TMC3: variants seen among roughly 807,000 people sequenced by gnomAD.
The protein encoded by TMC3 is transmembrane channel like 3.
Under a neutral mutation model 110.6 loss-of-function variants are expected in TMC3, and 98 were observed. The observed-to-expected ratio is 0.89, with a 90% CI of 0.75 to 1.05. The LOEUF (loss-of-function observed/expected upper bound fraction) is 1.05, where lower values mean the gene tolerates loss of function less well. Among genes scored for constraint, TMC3 ranks in the 50% least tolerant of loss-of-function variants. TMC3 has a pLI of 0.00. For synonymous variants in TMC3, 489 were observed against 513.1 expected, an observed-to-expected ratio of 0.95 and a Z score of 0.63; for missense variants, 1,319 against 1,373.2, an observed-to-expected ratio of 0.96 and a Z score of 0.62.
intron 20 of TMC3, chr15:81,336,046 C>A (rs1893586868): frequency 6.6e-6 from 1 of 152,242 alleles, no homozygotes; most frequent in Non-Finnish European, 1.5e-5. Flanking sequence ...TTCGATACTT[C>A]CTTCTGATTT....
At chr15:81,353,755 T>C (rs7359228) in intron 9 of TMC3, among the ~76,000 whole-genome samples, 23,819 of 152,222 alleles carry the variant, frequency 0.16, 3,561 homozygotes, top group African/African-American at 0.4. Flanking sequence ...TTTCTTGGAA[T>C]GTGATCCTGT....
intron 7 of TMC3, 34 bp from the exon 8 acceptor site, chr15:81,356,628 T>G: frequency 6.4e-7 from 1 of 1,565,986 alleles, no homozygotes; most frequent in East Asian, 2.4e-5. Flanking sequence ...GTCTTGGGAG[T>G]CTCAGGAATA....
In TMC3 at chr15:81,339,510, G is replaced by A. The variant is rs1308185772; in HGVS notation, c.1845-6C>T. ...CCAAGTAGAAGTTGTTGGATCTGCA[G>A]ATAAATCAGATGTCATGTGTTAAGT... On this transcript the variant is annotated splice_region_variant and splice_polypyrimidine_tract_variant and intron_variant, in intron 16 of 21. Transcript: ENST00000359440. The A allele has an allele frequency of 6.3e-7, 1 of 1,580,132 alleles. No homozygotes were observed. Among genetic ancestry groups the A allele is most frequent in the Non-Finnish European group, 8.6e-7 (1 of 1,160,902 alleles).
At chr15:81,341,155 T>A (rs1267260314) in intron 16 of TMC3, among the ~76,000 whole-genome samples, 1 of 152,244 alleles carries the variant, frequency 6.6e-6, no homozygotes, top group Non-Finnish European at 1.5e-5. Flanking sequence ...TAAAGGATTA[T>A]TAAACTTCGG....
At chr15:81,352,436 G>A (rs984204906) in intron 9 of TMC3, among the ~76,000 whole-genome samples, 1 of 152,204 alleles carries the variant, frequency 6.6e-6, no homozygotes, top group Non-Finnish European at 1.5e-5. Context: ...CACATTTGTG[G>A]TGATGCTGGT....
chr15:81,341,528 T>C lies in TMC3; in HGVS notation c.1716-10A>G, dbSNP rs769719412. On this transcript the variant is annotated splice_polypyrimidine_tract_variant and intron_variant, in intron 15 of 21. Transcript: ENST00000359440. ...GAAGAAGGCCCCCATCCTGGAACCA[T>C]GAGGAAGGTCAGTTTGCATCTGTTC... 7 of 1,607,410 alleles carry C rather than the reference T, an allele frequency of 4.4e-6. No individual in the cohort carries two copies. The East Asian group carries it at 6.7e-5, about 15-fold the overall frequency.
Position 81,332,950 on chromosome 15 carries a change from G to A in TMC3, c.2772C>T (p.Asn924=), listed in dbSNP as rs1282976917. The change falls in exon 22 of 22, where the codon AAC becomes AAT. Residue 924 remains asparagine, a synonymous_variant. Transcript: ENST00000359440. The part of the protein sequence containing the change: ...SGDIVELYPR[N]VRQYASRVPR... Reference sequence around the variant, plus strand: ...GGACCCGGGATGCATATTGTCGCACGTTCCTGGGGTACAGCTCCACAATGT... The same window carrying A: ...GGACCCGGGATGCATATTGTCGCACATTCCTGGGGTACAGCTCCACAATGT... 2.5e-6 allele frequency: 4 copies of A among 1,612,406 alleles called. No homozygotes were observed. The East Asian group carries it at 8.9e-5, about 36-fold the overall frequency.
chr15:81,358,015 C>G, intron 7 of TMC3, 134 bp downstream of exon 7: 2 of 1,139,038 alleles, frequency 1.8e-6, no homozygotes, highest in Non-Finnish European at 1.2e-6. Flanking sequence ...TTACACATAT[C>G]ATAACACTTG....
intron 4 of TMC3, among the ~76,000 whole-genome samples, chr15:81,360,351 C>G (rs1894158953): frequency 2.6e-5 from 4 of 152,134 alleles, no homozygotes; most frequent in African/African-American, 4.8e-5. Flanking sequence ...CAATATATTA[C>G]AAGCATTTTC....
rs1450008778 is a variant in TMC3, at chr15:81,372,618, G to T, written c.209C>A (p.Thr70Asn). The change falls in exon 2 of 22, where the codon ACT becomes AAT. Residue 70 changes from threonine (T) to asparagine (N), a missense_variant. Transcript: ENST00000359440. ...CAATGCCCTCAGCTTCTGTCCCATA[G>T]TCCAGGGTCTGCAGCGAATGTTTGC... ...LMANIRCRPW[T>N]MGQKLRALRQ... 18 of 1,613,576 alleles carry T rather than the reference G, an allele frequency of 1.1e-5. No individual in the cohort carries two copies. Among genetic ancestry groups the T allele is most frequent in the Non-Finnish European group, 1.4e-5 (17 of 1,179,892 alleles).
intron 15 of TMC3, 101 bp from the exon 16 acceptor site, chr15:81,341,619 A>T: frequency 1.5e-6 from 2 of 1,325,428 alleles, no homozygotes; most frequent in Non-Finnish European, 2.1e-6. Context: ...CACTTTGGGG[A>T]TTATACCCTA....
intron 20 of TMC3, 34 bp from the exon 21 acceptor site, chr15:81,335,009 G>A (rs774287693): frequency 4.2e-5 from 68 of 1,606,844 alleles, no homozygotes; most frequent in Admixed American, 2.5e-4. Flanking sequence ...GAGAAGACAG[G>A]TGTCACTGAG....
At chr15:81,336,556 A>G in intron 20 of TMC3, 53 bp downstream of exon 20, 1 of 1,573,834 alleles carries the variant, frequency 6.4e-7, no homozygotes, top group East Asian at 2.2e-5. Flanking sequence ...CGACAGAGCA[A>G]GACTCTGCCT....
chr15:81,367,059 C>G (rs1388398615), intron 3 of TMC3, among the ~76,000 whole-genome samples: 1 of 152,064 alleles, frequency 6.6e-6, no homozygotes, highest in African/African-American at 2.4e-5. Flanking sequence ...GGACCACAGT[C>G]TTTTCTATAG....
chr15:81,360,946 G>A (rs1201579129), intron 4 of TMC3, among the ~76,000 whole-genome samples: 1 of 148,200 alleles, frequency 6.7e-6, no homozygotes, highest in Admixed American at 6.7e-5. Context: ...CTACAGCCTT[G>A]TTTGTTTAGT....
intron 2 of TMC3, among the ~76,000 whole-genome samples, chr15:81,369,646 A>G (rs1253233900): frequency 2.0e-5 from 3 of 152,086 alleles, no homozygotes; most frequent in Non-Finnish European, 4.4e-5. Context: ...AGTTTCTGCC[A>G]GGTGGGGTGG....
intron 3 of TMC3, among the ~76,000 whole-genome samples, chr15:81,363,470 C>A (rs1894236579): frequency 6.6e-6 from 1 of 152,174 alleles, no homozygotes; most frequent in African/African-American, 2.4e-5. Flanking sequence ...TTATGACATT[C>A]TGAACTATAA....
intron 9 of TMC3, among the ~76,000 whole-genome samples, chr15:81,354,443 A>C (rs964225499): frequency 6.6e-6 from 1 of 152,192 alleles, no homozygotes; most frequent in African/African-American, 2.4e-5. Flanking sequence ...CATTTCTTCT[A>C]TTCCCAGCGG....
intron 11 of TMC3, among the ~76,000 whole-genome samples, chr15:81,349,050 TG>T (rs1318049107): frequency 3.3e-5 from 5 of 152,018 alleles, no homozygotes; most frequent in Admixed American, 3.3e-4. Context: ...AGGCTGGTCT[TG>T]AACTCCCGAC....
Sources: allele counts gnomAD v4.1 joint callset (sites outside exome capture counted in the v4.1 genomes callset), GRCh38; gene constraint gnomAD v4.1.1; transcripts MANE v1.5; gene names NCBI Gene and HGNC (gene_info 2026-07-23, HGNC 2026-07-21).